Variants in PRKG1 observed in about 807,000 individuals in gnomAD.
The protein encoded by PRKG1 is protein kinase cGMP-dependent 1.
PRKG1 carries 35 observed loss-of-function variants against 88.1 expected under a neutral mutation model. The ratio of observed to expected loss-of-function variants is 0.40; its 90% CI spans 0.30 to 0.53. The LOEUF (loss-of-function observed/expected upper bound fraction) is 0.53, where lower values mean the gene tolerates loss of function less well. Ranked by LOEUF, PRKG1 falls within the 20% of genes least tolerant of loss-of-function variation. The pLI is 0.59. For synonymous variants in PRKG1, 303 were observed against 292.5 expected (o/e 1.04, Z -0.37); for missense variants, 540 against 839.8 (o/e 0.64, Z 4.41).
At chr10:51,882,929 T>C (rs139848786) in intron 4 of PRKG1, among the ~76,000 whole-genome samples, 1 of 152,306 alleles carries the variant, frequency 6.6e-6, no homozygotes, top group African/African-American at 2.4e-5. Flanking sequence ...GTCAACTTGA[T>C]TGGGCTAAGG....
At chr10:51,836,037 G>A (rs1229770079) in intron 4 of PRKG1, among the ~76,000 whole-genome samples, 1 of 151,862 alleles carries the variant, frequency 6.6e-6, no homozygotes, top group African/African-American at 2.4e-5. Flanking sequence ...TTTCTTTTAA[G>A]GAATGTCTAT....
At chr10:52,094,808 A>G (rs1847137027) in intron 7 of PRKG1, among the ~76,000 whole-genome samples, 1 of 152,048 alleles carries the variant, frequency 6.6e-6, no homozygotes, top group South Asian at 2.1e-4. Context: ...GGACCCTACT[A>G]CACTCATGGC....
At chr10:51,126,558 A>T (rs1845428124) in intron 1 of PRKG1, among the ~76,000 whole-genome samples, 1 of 149,462 alleles carries the variant, frequency 6.7e-6, no homozygotes, top group East Asian at 1.9e-4. Context: ...TAATTTGTAG[A>T]TTTAATGCTA....
intron 6 of PRKG1, among the ~76,000 whole-genome samples, chr10:52,058,945 T>G (rs568594887): frequency 3.0e-4 from 46 of 151,768 alleles, no homozygotes; most frequent in Non-Finnish European, 5.9e-4. Context: ...TTGATCCTAT[T>G]TAAAAAAACA....
chr10:52,002,220 T>A (rs1439121752), intron 5 of PRKG1, among the ~76,000 whole-genome samples: 1 of 152,118 alleles, frequency 6.6e-6, no homozygotes, highest in Non-Finnish European at 1.5e-5. Flanking sequence ...TCTTTTTCAG[T>A]GATGGATTAC....
rs1842379796 is a variant in PRKG1, at chr10:52,296,243, T to A, written c.*2343T>A. ...TAGCACTTGCTATGGATTTTGGAAC[T>A]ATGGTTCAAGTCTAAGACAACCAAT... On this transcript the variant is annotated 3_prime_UTR_variant, in exon 18 of 18. Coordinates refer to ENST00000373980, the MANE Select transcript of PRKG1 (RefSeq NM_006258.4). The A allele has an allele frequency of 6.6e-6, 1 of 152,064 alleles. No homozygotes were observed. The highest frequency in any genetic ancestry group is 2.4e-5 in the African/African-American group (1 of 41,452). 9.4% of individuals were successfully genotyped at this position (152,064 alleles called of 1,614,324 possible).
chr10:52,201,662 T>C (rs1300987934), intron 9 of PRKG1, among the ~76,000 whole-genome samples: 1 of 152,212 alleles, frequency 6.6e-6, no homozygotes, highest in Non-Finnish European at 1.5e-5. Context: ...ATTTTAATAA[T>C]ATTAATTCTG....
intron 3 of PRKG1, among the ~76,000 whole-genome samples, chr10:51,485,635 T>C (rs1840512123): frequency 1.3e-5 from 2 of 152,236 alleles, no homozygotes; most frequent in African/African-American, 2.4e-5. Context: ...TATGAGGCTC[T>C]ACTAAAATGT....
chr10:51,996,985 G>T (rs1216909161), intron 5 of PRKG1, among the ~76,000 whole-genome samples: 2 of 152,140 alleles, frequency 1.3e-5, no homozygotes, highest in Admixed American at 1.3e-4. Context: ...AAATGAAGGA[G>T]CCTGAAGGTT....
At chr10:51,727,523 T>A (rs2132463879) in intron 3 of PRKG1, among the ~76,000 whole-genome samples, 2 of 152,280 alleles carry the variant, frequency 1.3e-5, no homozygotes, top group South Asian at 4.1e-4. Context: ...CATAGAAATT[T>A]CTCCGAGTTA....
At chr10:51,075,617 T>G (rs1454898644) in intron 1 of PRKG1, among the ~76,000 whole-genome samples, 1 of 152,234 alleles carries the variant, frequency 6.6e-6, no homozygotes, top group Non-Finnish European at 1.5e-5. Context: ...AGCATCTCCA[T>G]CTCCCAAGAG....
At chr10:52,246,368 A>G (rs868227713) in intron 9 of PRKG1, among the ~76,000 whole-genome samples, 1 of 152,132 alleles carries the variant, frequency 6.6e-6, no homozygotes, top group Non-Finnish European at 1.5e-5. Context: ...AGAAAGAGAG[A>G]TGGGGAAGGG....
intron 1 of PRKG1, among the ~76,000 whole-genome samples, chr10:51,127,491 C>G (rs540922453): frequency 2.6e-5 from 4 of 152,236 alleles, no homozygotes; most frequent in African/African-American, 9.6e-5. Context: ...GAAATAGGAA[C>G]ACTTTTACAC....
chr10:51,482,750 T>C (rs1840401982), intron 3 of PRKG1, among the ~76,000 whole-genome samples: 2 of 152,104 alleles, frequency 1.3e-5, no homozygotes, highest in Admixed American at 1.3e-4. Context: ...TGAATATACT[T>C]TGGGCCTTAA....
At chr10:51,756,841 T>A (rs1010654120) in intron 3 of PRKG1, among the ~76,000 whole-genome samples, 19 of 149,126 alleles carry the variant, frequency 1.3e-4, no homozygotes, top group African/African-American at 2.3e-4. Context: ...ATAAATAAAA[T>A]AATAATTAAA....
chr10:51,850,517 G>GTATATT (rs1840524451), intron 4 of PRKG1, among the ~76,000 whole-genome samples: 1 of 151,594 alleles, frequency 6.6e-6, no homozygotes, highest in Non-Finnish European at 1.5e-5. Context: ...ATATGTATAT[G>GTATATT]TATATATTTG....
chr10:51,013,013 G>A (rs1359848009), intron 1 of PRKG1, among the ~76,000 whole-genome samples: 1 of 152,216 alleles, frequency 6.6e-6, no homozygotes, highest in Non-Finnish European at 1.5e-5. Context: ...AAAAAGTCCT[G>A]TAGCTGGAAT....
At chr10:52,055,690 T>C (rs994817336) in intron 6 of PRKG1, among the ~76,000 whole-genome samples, 10 of 152,188 alleles carry the variant, frequency 6.6e-5, no homozygotes, top group African/African-American at 2.2e-4. Flanking sequence ...GGAATTCATA[T>C]CTCTGCATGT....
At chr10:51,810,970 G>A (rs927686292) in intron 4 of PRKG1, among the ~76,000 whole-genome samples, 1 of 152,146 alleles carries the variant, frequency 6.6e-6, no homozygotes, top group Non-Finnish European at 1.5e-5. Flanking sequence ...AGGATTAAAT[G>A]ATTTTAGATT....
Sources: allele counts gnomAD v4.1 joint callset (sites outside exome capture counted in the v4.1 genomes callset), GRCh38; gene constraint gnomAD v4.1.1; transcripts MANE v1.5; gene names NCBI Gene and HGNC (gene_info 2026-07-23, HGNC 2026-07-21).